STK31: variants seen among roughly 807,000 people sequenced by gnomAD.
STK31 encodes serine/threonine kinase 31.
A neutral mutation model predicts 129.7 loss-of-function variants in STK31; 89 were observed. The ratio of observed to expected loss-of-function variants is 0.69; its 90% CI spans 0.58 to 0.82. The LOEUF is 0.82. STK31 is among the 40% of genes least tolerant of loss of function. The pLI is 0.00. For synonymous variants in STK31, 448 were observed against 395.3 expected, an observed-to-expected ratio of 1.13 and a Z score of -1.58; for missense variants, 1,187 against 1,176.4, an observed-to-expected ratio of 1.01 and a Z score of -0.13.
At chr7:23,752,429 A>G (rs1205526959) in intron 8 of STK31, among the ~76,000 whole-genome samples, 1 of 150,834 alleles carries the variant, frequency 6.6e-6, no homozygotes, top group Non-Finnish European at 1.5e-5. Context: ...GCCTCGCTGC[A>G]ACCTCTGCCT....
At chr7:23,804,163 C>G (rs910659831) in intron 22 of STK31, among the ~76,000 whole-genome samples, 2 of 152,156 alleles carry the variant, frequency 1.3e-5, no homozygotes, top group African/African-American at 4.8e-5. Context: ...AGCGATCTTC[C>G]CACCTCGATC....
At chr7:23,785,674 GA>G in intron 18 of STK31, 71 bp downstream of exon 18, 2 of 1,518,488 alleles carry the variant, frequency 1.3e-6, no homozygotes, top group East Asian at 2.3e-5. Context: ...TACATTTCAA[GA>G]AAGAAAAAAC....
At chr7:23,739,580 G>A (rs1787931688) in intron 8 of STK31, among the ~76,000 whole-genome samples, 1 of 152,096 alleles carries the variant, frequency 6.6e-6, no homozygotes, top group South Asian at 2.1e-4. Context: ...TTGCCTAGGT[G>A]TTCTTCTAGG....
At chr7:23,794,872 C>T (rs1481624210) in intron 22 of STK31, among the ~76,000 whole-genome samples, 1 of 152,122 alleles carries the variant, frequency 6.6e-6, no homozygotes, top group Non-Finnish European at 1.5e-5. Flanking sequence ...CAAGAGGTGA[C>T]TTGGGTGCTT....
At position 23,788,862 on chromosome 7, in the gene STK31, A is replaced by G. The variant is rs538084110; in HGVS notation, c.2637+733A>G. 2.0e-5 allele frequency among the ~76,000 whole-genome samples: 3 copies of G among 152,306 alleles called. No homozygotes were observed. In the South Asian group the frequency reaches 6.2e-4, roughly 32 times the overall value. The stretch of plus-strand genomic sequence containing the variant: ...TGTATACAATTCATTAATAGTTTGT[A>G]GTACATTCACAAAGTCGTGCAGTGA... On this transcript the variant is annotated intron_variant, in intron 21 of 23. Transcript: ENST00000355870.
chr7:23,741,630 C>G (rs1239967337), intron 8 of STK31, among the ~76,000 whole-genome samples: 1 of 152,182 alleles, frequency 6.6e-6, no homozygotes, highest in Non-Finnish European at 1.5e-5. Flanking sequence ...TGACCAGAGA[C>G]TAGAATGTCT....
At chr7:23,792,975 C>G (rs1791735325) in intron 22 of STK31, among the ~76,000 whole-genome samples, 1 of 152,208 alleles carries the variant, frequency 6.6e-6, no homozygotes, top group Non-Finnish European at 1.5e-5. Context: ...TAAGCTATGA[C>G]TGCTCCACTG....
At chr7:23,710,732 G>C in intron 1 of STK31, 1 of 1,063,756 alleles carries the variant, frequency 9.4e-7, no homozygotes, top group South Asian at 3.3e-5. Flanking sequence ...ATCTCTGTTT[G>C]CAGAAAGTGG....
intron 17 of STK31, 135 bp from the exon 18 acceptor site, chr7:23,785,343 A>G: frequency 8.0e-7 from 1 of 1,255,546 alleles, no homozygotes; most frequent in African/African-American, 1.5e-5. Flanking sequence ...AGTTTTAAAG[A>G]TTTTAATTTT....
chr7:23,797,844 A>G (rs1188569144), intron 22 of STK31, among the ~76,000 whole-genome samples: 1 of 152,248 alleles, frequency 6.6e-6, no homozygotes, highest in Non-Finnish European at 1.5e-5. Context: ...GAAAAGATTA[A>G]CAAAATAGAT....
rs1289468795 is a variant in STK31, at chr7:23,815,164, G to C, written c.2781G>C (p.Glu927Asp). The part of the protein sequence containing the change: ...LLLWLSVQNQ[E>D]FEINKDGIPK... ...CACAGCTTTCTGTTCAAAATCAGGAGTTTGAGATAAATAAAGATGGAATCC... is the reference window on the plus strand; with the variant it reads ...CACAGCTTTCTGTTCAAAATCAGGACTTTGAGATAAATAAAGATGGAATCC... Residue 927 changes from glutamate to aspartate, a missense_variant, in exon 23 of 24, where the codon GAG (glutamate) becomes GAC (aspartate). Coordinates refer to ENST00000355870, the MANE Select transcript of STK31 (RefSeq NM_031414.5). 2 of 1,600,294 alleles carry C rather than the reference G, an allele frequency of 1.2e-6. No individual in the cohort carries two copies. Among genetic ancestry groups the C allele is most frequent in the Non-Finnish European group, 1.7e-6 (2 of 1,173,624 alleles).
chr7:23,737,443 T>C lies in STK31; in HGVS notation c.1017+365T>C, dbSNP rs538122237. 9.5e-4 allele frequency among the ~76,000 whole-genome samples: 145 copies of C among 152,356 alleles called. No homozygotes were observed. The Middle Eastern group carries it at 0.01, about 11-fold the overall frequency. ...GGCCAATCTTTTTAAAAATTTACAC[T>C]TCCTGGATTATTTTAGAAGAAGTCC... On this transcript the variant is annotated intron_variant, in intron 8 of 23. Coordinates refer to ENST00000355870, the MANE Select transcript of STK31 (RefSeq NM_031414.5).
intron 22 of STK31, among the ~76,000 whole-genome samples, chr7:23,800,002 A>G (rs769274015): frequency 1.1e-4 from 17 of 152,358 alleles, no homozygotes; most frequent in Admixed American, 2.6e-4. Flanking sequence ...ATCACTGGTC[A>G]TTAGAGAAAT....
At chr7:23,764,891 CAA>C (rs906082181) in intron 11 of STK31, among the ~76,000 whole-genome samples, 5 of 151,790 alleles carry the variant, frequency 3.3e-5, no homozygotes. Context: ...AACTAAAAGT[CAA>C]AAATAATAAT....
In STK31 at chr7:23,785,479, A is replaced by G; in HGVS notation, c.2150A>G (p.Asn717Ser). The change falls in exon 18 of 24, where the codon AAC (asparagine) becomes AGC (serine). Residue 717 changes from asparagine (N) to serine (S), a missense_variant and splice_region_variant. Asn to Ser is a conservative substitution (Grantham distance 46, BLOSUM62 1). Coordinates refer to ENST00000355870, the MANE Select transcript of STK31 (RefSeq NM_031414.5). ...ACTGTGATAAAAACTTGTGCCTAGA[A>G]CTCTGGTGGTCTCCTTACAATGAGC... ...HPEIGLLKYM[N>S]SGGLLTMSLE... is the part of the protein sequence containing the mutation. 6.2e-7 allele frequency: 1 copy of G among 1,612,872 alleles called. No homozygotes were observed. Among genetic ancestry groups the G allele is most frequent in the Non-Finnish European group, 8.5e-7 (1 of 1,179,222 alleles).
At chr7:23,753,819 A>G (rs1397742246) in intron 9 of STK31, among the ~76,000 whole-genome samples, 1 of 152,168 alleles carries the variant, frequency 6.6e-6, no homozygotes, top group Admixed American at 6.5e-5. Context: ...AATATTAGAA[A>G]TGTTTTGGGT....
chr7:23,790,905 C>G lies in STK31; in HGVS notation c.2719C>G (p.Pro907Ala). The change falls in exon 22 of 24, where the codon CCA becomes GCA. Residue 907 changes from proline to alanine, a missense_variant. Pro to Ala is a conservative substitution (Grantham distance 27). Around this residue, in one of 5 missense-constraint regions of STK31, gnomAD observed 975 missense variants for 934.9 expected, o/e 1.04. Coordinates refer to ENST00000355870, the MANE Select transcript of STK31 (RefSeq NM_031414.5). ...PELKMGKPAS[P>A]GSDLYAYGCL... ...GTTGAAAATGGGAAAACCTGCTTCT[C>G]CAGGTTCAGACTTATATGCTTATGG... is the stretch of plus-strand genomic sequence containing the variant. 1.2e-6 allele frequency: 2 copies of G among 1,607,330 alleles called. No individual in the cohort carries two copies. The highest frequency in any genetic ancestry group is 1.7e-6 in the Non-Finnish European group (2 of 1,177,340).
chr7:23,713,279 A>G (rs558468465), intron 3 of STK31, among the ~76,000 whole-genome samples: 8 of 152,290 alleles, frequency 5.3e-5, no homozygotes, highest in African/African-American at 1.9e-4. Flanking sequence ...AAGGTACAGT[A>G]AAAACATATT....
At chr7:23,801,302 ATGT>A (rs1346941424) in intron 22 of STK31, among the ~76,000 whole-genome samples, 1 of 152,148 alleles carries the variant, frequency 6.6e-6, no homozygotes, top group Non-Finnish European at 1.5e-5. Context: ...ATAGATAATG[ATGT>A]TGAGCATCTT....
Sources: allele counts gnomAD v4.1 joint callset (sites outside exome capture counted in the v4.1 genomes callset), GRCh38; gene constraint gnomAD v4.1.1; regional missense constraint gnomAD v4.1.1; transcripts MANE v1.5; gene names NCBI Gene and HGNC (gene_info 2026-07-23, HGNC 2026-07-21).